The following TCF4 variants were observed in gnomAD, a reference collection of about 807,000 sequenced individuals.
The protein encoded by TCF4 is SL3-3 enhancer factor 2.
TCF4 carries 3 observed loss-of-function variants against 82.1 expected under a neutral mutation model. The observed-to-expected ratio is 0.04, with a 90% CI of 0.02 to 0.09. The LOEUF (loss-of-function observed/expected upper bound fraction) is 0.09. Among genes scored for constraint, TCF4 ranks in the 10% least tolerant of loss-of-function variants. The pLI, the probability that TCF4 is intolerant of heterozygous loss-of-function variation, is 1.00. For missense variants in TCF4, 518 were observed against 852.7 expected, an observed-to-expected ratio of 0.61 and a Z score of 4.89; for synonymous variants, 276 against 309.6, an observed-to-expected ratio of 0.89 and a Z score of 1.14.
chr18:55,304,903 C>A (rs1266006434), intron 8 of TCF4, among the ~76,000 whole-genome samples: 2 of 152,126 alleles, frequency 1.3e-5, no homozygotes, highest in Non-Finnish European at 2.9e-5. Context: ...AGAGGATCAA[C>A]TTTGTTTCAA....
At chr18:55,569,114 A>ATCAC (rs2097435935) in intron 3 of TCF4, among the ~76,000 whole-genome samples, 1 of 152,252 alleles carries the variant, frequency 6.6e-6, no homozygotes, top group African/African-American at 2.4e-5. Context: ...CAACATCAAC[A>ATCAC]TCACTATTCA....
intron 8 of TCF4, among the ~76,000 whole-genome samples, chr18:55,298,736 G>GT (rs1176862085): frequency 6.6e-6 from 1 of 152,046 alleles, no homozygotes; most frequent in Non-Finnish European, 1.5e-5. Flanking sequence ...GAATTCAAAC[G>GT]TATCTCTGAA....
At chr18:55,564,387 C>T (rs2097382814) in intron 3 of TCF4, among the ~76,000 whole-genome samples, 2 of 152,186 alleles carry the variant, frequency 1.3e-5, no homozygotes, top group African/African-American at 4.8e-5. Context: ...ACTCTGGTTG[C>T]TGTGAAATAT....
chr18:55,237,034 T>C (rs889774210), intron 15 of TCF4, among the ~76,000 whole-genome samples: 7 of 152,226 alleles, frequency 4.6e-5, no homozygotes, highest in Non-Finnish European at 1.0e-4. Context: ...TGAAATTTTT[T>C]CCCTCTAGAT....
At chr18:55,608,862 G>A (rs550273968) in intron 2 of TCF4, among the ~76,000 whole-genome samples, 1 of 152,280 alleles carries the variant, frequency 6.6e-6, no homozygotes, top group African/African-American at 2.4e-5. Context: ...TTGGAAAAAG[G>A]TGGGTACTTT....
chr18:55,631,385 T>C, exon 2 of TCF4: 2 of 1,547,340 alleles, frequency 1.3e-6, no homozygotes, highest in Non-Finnish European at 1.7e-6. Context: ...TTACAAAACA[T>C]TTGCTGCAGG....
At chr18:55,585,853 GAAGC>G in intron 2 of TCF4, 1 of 1,160,836 alleles carries the variant, frequency 8.6e-7, no homozygotes, top group Non-Finnish European at 1.1e-6. Flanking sequence ...AGAGCAATTT[GAAGC>G]AAGACTCTCT....
intron 8 of TCF4, among the ~76,000 whole-genome samples, chr18:55,338,237 T>C (rs1480871836): frequency 6.6e-6 from 1 of 152,188 alleles, no homozygotes; most frequent in African/African-American, 2.4e-5. Context: ...TTGATATTAG[T>C]ACCTCAGTAT....
chr18:55,459,371 T>C (rs1037281868), intron 5 of TCF4, among the ~76,000 whole-genome samples: 17 of 152,252 alleles, frequency 1.1e-4, no homozygotes, highest in African/African-American at 3.9e-4. Context: ...GTGTATTCTG[T>C]AATATTAATT....
At position 55,297,006 on chromosome 18, in the gene TCF4, T is replaced by C. The variant is rs191233177; in HGVS notation, c.550-17350A>G. On this transcript the variant is annotated intron_variant, in intron 8 of 19. Transcript: ENST00000354452. ...AACCCAAAACACATTTTCTCAGCACTTCTCTCTATTTTTCAACCCATATGT... is the reference window on the plus strand; with the variant it reads ...AACCCAAAACACATTTTCTCAGCACCTCTCTCTATTTTTCAACCCATATGT... Among the ~76,000 whole-genome samples, 787 of 152,258 alleles carry C rather than the reference T, an allele frequency of 5.2e-3. 2 individuals carry two copies. Among genetic ancestry groups the C allele is most frequent in the Middle Eastern group, 0.02 (6 of 294 alleles).
At chr18:55,405,380 A>G (rs1396600455) in intron 5 of TCF4, among the ~76,000 whole-genome samples, 1 of 152,236 alleles carries the variant, frequency 6.6e-6, no homozygotes, top group East Asian at 1.9e-4. Context: ...AAAGACAGAA[A>G]GATGGATAAA....
At chr18:55,343,864 G>A (rs568180270) in intron 8 of TCF4, among the ~76,000 whole-genome samples, 6 of 141,800 alleles carry the variant, frequency 4.2e-5, no homozygotes, top group Non-Finnish European at 2.9e-5. Flanking sequence ...ACACACACAC[G>A]CGTGCACACA....
intron 13 of TCF4, chr18:55,259,629 A>G (rs1276182512): frequency 3.5e-6 from 1 of 283,236 alleles, no homozygotes; most frequent in African/African-American, 2.2e-5. Flanking sequence ...AGTTTTTTTC[A>G]TCTGAGACGT....
At chr18:55,234,296 C>G (rs1372893975) in intron 16 of TCF4, 2 of 586,038 alleles carry the variant, frequency 3.4e-6, no homozygotes. Context: ...TTCCTCTCAT[C>G]AGTCTGTGGC....
intron 5 of TCF4, 151 bp downstream of exon 5, chr18:55,460,868 C>A (rs2095857085): frequency 1.4e-6 from 1 of 703,126 alleles, no homozygotes; most frequent in Non-Finnish European, 2.5e-6. Context: ...ACACAGACTG[C>A]CAATCCTCTC....
chr18:55,321,519 C>G, intron 8 of TCF4: 1 of 1,170,018 alleles, frequency 8.5e-7, no homozygotes, highest in Non-Finnish European at 1.2e-6. Flanking sequence ...AGAAGAAGAT[C>G]TTAGGATTGG....
intron 3 of TCF4, among the ~76,000 whole-genome samples, chr18:55,483,177 A>G (rs964873435): frequency 2.0e-5 from 3 of 152,206 alleles, no homozygotes; most frequent in Non-Finnish European, 4.4e-5. Context: ...GGGGCCGTCC[A>G]TATATCCAAA....
rs2095829568 is a variant in TCF4 at position 55,459,344 on chromosome 18, T to A, written c.304+1675A>T. On this transcript the variant is annotated intron_variant, in intron 5 of 19. Coordinates refer to ENST00000354452, the MANE Select transcript of TCF4 (RefSeq NM_001083962.2). ...AAACATGAACAGAACAATCATTTAA[T>A]CTGTTTGTACTGCTTGGTGTATTCT... 3.3e-5 allele frequency among the ~76,000 whole-genome samples: 5 copies of A among 152,236 alleles called. No homozygotes were observed. In the South Asian group the frequency reaches 1.0e-3, roughly 31 times the overall value.
chr18:55,265,274 G>C (rs2058879011), intron 11 of TCF4: 1 of 152,136 alleles, frequency 6.6e-6, no homozygotes, highest in African/African-American at 2.4e-5. Context: ...TTTCAAAGTA[G>C]GTTTTTCTAA....
Sources: allele counts gnomAD v4.1 joint callset (sites outside exome capture counted in the v4.1 genomes callset), GRCh38; gene constraint gnomAD v4.1.1; transcripts MANE v1.5; gene names NCBI Gene and HGNC (gene_info 2026-07-23, HGNC 2026-07-21).